Variants in OPCML observed in about 807,000 individuals in gnomAD.
OPCML encodes the protein opioid-binding protein/cell adhesion molecule.
OPCML carries 13 observed loss-of-function variants against 37.8 expected under a neutral mutation model. That is an observed-to-expected ratio of 0.34 (90% confidence interval 0.22 to 0.55). The LOEUF is 0.55. Among genes scored for constraint, OPCML ranks in the 20% least tolerant of loss-of-function variants. The probability of loss-of-function intolerance (pLI) is 0.91; values close to 1 mark genes in which losing one functional copy is unlikely to be tolerated. For synonymous variants in OPCML, 176 were observed against 168.8 expected (o/e 1.04, Z -0.33); for missense variants, 341 against 435.6 (o/e 0.78, Z 1.93).
At chr11:132,462,808 A>T (rs181450750) in intron 4 of OPCML, among the ~76,000 whole-genome samples, 4 of 152,294 alleles carry the variant, frequency 2.6e-5, no homozygotes, top group African/African-American at 7.2e-5. Context: ...CCGTGCCTGG[A>T]TAATTAGGTT....
At chr11:133,030,520 A>G (rs1947646587) in intron 1 of OPCML, among the ~76,000 whole-genome samples, 1 of 152,158 alleles carries the variant, frequency 6.6e-6, no homozygotes, top group Admixed American at 6.5e-5. Flanking sequence ...CCATCCGTCT[A>G]ACAGAATCAT....
intron 2 of OPCML, among the ~76,000 whole-genome samples, chr11:132,940,325 A>G (rs1409972196): frequency 6.6e-6 from 1 of 152,204 alleles, no homozygotes; most frequent in Non-Finnish European, 1.5e-5. Context: ...GATTCGAGAT[A>G]GTTTGACCCA....
intron 2 of OPCML, among the ~76,000 whole-genome samples, chr11:132,700,260 AATTGTTT>A (rs1056009481): frequency 1.3e-5 from 2 of 151,966 alleles, no homozygotes; most frequent in African/African-American, 4.8e-5. Flanking sequence ...CTCTGTTTTA[AATTGTTT>A]ATTGTTTTCA....
intron 2 of OPCML, among the ~76,000 whole-genome samples, chr11:132,757,371 A>AC (rs1946091344): frequency 6.6e-6 from 1 of 152,188 alleles, no homozygotes; most frequent in Non-Finnish European, 1.5e-5. Flanking sequence ...TTGAGGAATC[A>AC]CCACACTGCC....
At chr11:133,394,273 T>G (rs2136819955) in intron 1 of OPCML, among the ~76,000 whole-genome samples, 1 of 152,346 alleles carries the variant, frequency 6.6e-6, no homozygotes, top group Admixed American at 6.5e-5. Flanking sequence ...TAATTTTTAA[T>G]TTTTAACTTT....
chr11:133,279,529 C>G (rs1018037201), intron 1 of OPCML, among the ~76,000 whole-genome samples: 1 of 152,176 alleles, frequency 6.6e-6, no homozygotes, highest in Admixed American at 6.5e-5. Context: ...AGCAAACTCA[C>G]TACTTTGTTC....
At chr11:133,364,430 G>T (rs1944495390) in intron 1 of OPCML, among the ~76,000 whole-genome samples, 3 of 152,166 alleles carry the variant, frequency 2.0e-5, no homozygotes, top group African/African-American at 7.2e-5. Context: ...ATTTCCTATT[G>T]TTCTAATTAG....
At position 133,140,531 on chromosome 11, in the gene OPCML, T is replaced by TAATAAGAAGAAGAAGAAGAAG. The variant is rs1272061685; in HGVS notation, c.62-197522_62-197521insCTTCTTCTTCTTCTTCTTATT. 5.7e-3 allele frequency among the ~76,000 whole-genome samples: 504 copies of TAATAAGAAGAAGAAGAAGAAG among 88,076 alleles called. 3 individuals carry two copies. The highest frequency in any genetic ancestry group is 0.01 in the East Asian group (27 of 2,692). 57.8% of individuals were successfully genotyped at this position (88,076 alleles called of 152,430 possible). A position where few individuals can be genotyped will look rare whatever the true frequency, so the allele number is the denominator to read the frequency against. On this transcript the variant is annotated intron_variant, in intron 1 of 7. Coordinates refer to ENST00000524381, the MANE Select transcript of OPCML (RefSeq NM_001012393.5). The stretch of plus-strand genomic sequence containing the variant: ...TGTCTCAAAATAATAATAATAATAA[T>TAATAAGAAGAAGAAGAAGAAG]AAGAAGAAGAAGAAGAAGAAGAAGA...
intron 4 of OPCML, among the ~76,000 whole-genome samples, chr11:132,448,109 TA>T (rs2096060006): frequency 6.6e-6 from 1 of 152,218 alleles, no homozygotes; most frequent in South Asian, 2.1e-4. Context: ...GAAATAGTCC[TA>T]GGGTCTTTTC....
At chr11:133,522,715 GA>G (rs1382099274) in intron 1 of OPCML, among the ~76,000 whole-genome samples, 2 of 152,230 alleles carry the variant, frequency 1.3e-5, no homozygotes, top group African/African-American at 4.8e-5. Flanking sequence ...CTGTATTCAA[GA>G]GGGGGCTCAG....
At chr11:132,726,199 C>A (rs1413592342) in intron 2 of OPCML, among the ~76,000 whole-genome samples, 5 of 152,130 alleles carry the variant, frequency 3.3e-5, no homozygotes, top group African/African-American at 7.2e-5. Flanking sequence ...TGAGACTGGG[C>A]AATTTACAAA....
chr11:132,479,918 G>C (rs926356794), intron 4 of OPCML, among the ~76,000 whole-genome samples: 4 of 152,084 alleles, frequency 2.6e-5, no homozygotes, highest in Admixed American at 1.3e-4. Flanking sequence ...CAAAGATGGG[G>C]AAAAAAACAG....
chr11:133,336,945 G>A (rs1007724639), intron 1 of OPCML, among the ~76,000 whole-genome samples: 1 of 152,192 alleles, frequency 6.6e-6, no homozygotes, highest in African/African-American at 2.4e-5. Context: ...CTTCATTATA[G>A]AACCAGTGAG....
At chr11:132,964,705 C>T (rs951705146) in intron 1 of OPCML, among the ~76,000 whole-genome samples, 1 of 152,176 alleles carries the variant, frequency 6.6e-6, no homozygotes, top group Non-Finnish European at 1.5e-5. Context: ...TTACAGTTGG[C>T]ACCAGGGTCC....
chr11:132,477,492 G>C (rs138869441), intron 4 of OPCML, among the ~76,000 whole-genome samples: 38 of 152,290 alleles, frequency 2.5e-4, no homozygotes, highest in African/African-American at 9.1e-4. Context: ...GCCTTCTGGG[G>C]CTAGGCATAC....
At chr11:132,614,003 T>C (rs1938827697) in intron 3 of OPCML, among the ~76,000 whole-genome samples, 1 of 152,138 alleles carries the variant, frequency 6.6e-6, no homozygotes, top group South Asian at 2.1e-4. Flanking sequence ...GTCAACAAAG[T>C]CAATCTATGT....
At chr11:132,915,114 G>T (rs754176370) in intron 2 of OPCML, among the ~76,000 whole-genome samples, 8 of 152,110 alleles carry the variant, frequency 5.3e-5, no homozygotes, top group Non-Finnish European at 8.8e-5. Context: ...GAAGTATACA[G>T]AACATGTGTA....
chr11:132,701,334 A>G (rs1943807259), intron 2 of OPCML, among the ~76,000 whole-genome samples: 1 of 152,174 alleles, frequency 6.6e-6, no homozygotes, highest in Non-Finnish European at 1.5e-5. Context: ...CCCTTGACAC[A>G]TGGGACTTAT....
intron 1 of OPCML, among the ~76,000 whole-genome samples, chr11:132,998,894 A>T (rs1946938862): frequency 6.6e-6 from 1 of 152,172 alleles, no homozygotes; most frequent in Non-Finnish European, 1.5e-5. Flanking sequence ...ATGAGAAATA[A>T]ATTTCTGTTG....
Sources: allele counts gnomAD v4.1 joint callset (sites outside exome capture counted in the v4.1 genomes callset), GRCh38; gene constraint gnomAD v4.1.1; transcripts MANE v1.5; gene names NCBI Gene and HGNC (gene_info 2026-07-23, HGNC 2026-07-21).